MAST2: variants seen among roughly 807,000 people sequenced by gnomAD.
MAST2 encodes the protein microtubule associated serine/threonine kinase 2.
MAST2 carries 70 observed loss-of-function variants against 147.4 expected under a neutral mutation model. That is an observed-to-expected ratio of 0.47 (90% confidence interval 0.39 to 0.58). The LOEUF (loss-of-function observed/expected upper bound fraction) is 0.58, where lower values mean the gene tolerates loss of function less well. Ranked by LOEUF, MAST2 falls within the 20% of genes least tolerant of loss-of-function variation. The probability of loss-of-function intolerance (pLI) is 0.00; values close to 1 mark genes in which losing one functional copy is unlikely to be tolerated. For missense variants in MAST2, 2,080 were observed against 2,302.3 expected (o/e 0.90, Z 1.98); for synonymous variants, 869 against 896.8 (o/e 0.97, Z 0.55).
intron 4 of MAST2, among the ~76,000 whole-genome samples, chr1:45,887,728 G>T (rs887565794): frequency 2.0e-5 from 3 of 152,210 alleles, no homozygotes; most frequent in Non-Finnish European, 4.4e-5. Context: ...CTTTGTTGAG[G>T]TATCAGTGGC....
intron 5 of MAST2, among the ~76,000 whole-genome samples, chr1:45,977,595 C>T (rs1033698063): frequency 1.3e-5 from 2 of 151,942 alleles, no homozygotes; most frequent in Non-Finnish European, 2.9e-5. Flanking sequence ...GTCAAGAGAT[C>T]GAGACCATCC....
At chr1:45,980,786 T>A (rs1288076570) in intron 5 of MAST2, among the ~76,000 whole-genome samples, 1 of 152,164 alleles carries the variant, frequency 6.6e-6, no homozygotes, top group Non-Finnish European at 1.5e-5. Context: ...TCCTCCTGCC[T>A]TGGCCTCCCA....
chr1:45,980,639 G>A (rs909869554), intron 5 of MAST2, among the ~76,000 whole-genome samples: 1 of 152,086 alleles, frequency 6.6e-6, no homozygotes, highest in African/African-American at 2.4e-5. Flanking sequence ...GGCTCAAACA[G>A]TCCTCCCACC....
chr1:45,990,471 G>C (rs1278973530), intron 5 of MAST2, among the ~76,000 whole-genome samples: 5 of 151,770 alleles, frequency 3.3e-5, no homozygotes, highest in Non-Finnish European at 5.9e-5. Flanking sequence ...GTTTTGTTTT[G>C]GGGGTTGGGG....
Position 46,035,163 on chromosome 1 carries a change from T to C in MAST2, c.4494T>C (p.Ile1498=). 1 of 1,613,826 alleles carries C rather than the reference T, an allele frequency of 6.2e-7. No individual in the cohort carries two copies. Among genetic ancestry groups the C allele is most frequent in the Non-Finnish European group, 8.5e-7 (1 of 1,179,994 alleles). The change falls in exon 29 of 29, where the codon ATT becomes ATC. Residue 1498 remains isoleucine, a synonymous_variant. Transcript: ENST00000361297. This position sits in a 1 kb window ranked among gnomAD's most constrained non-coding sequence, Gnocchi z 5.5. ...RRESLQKQEA[I]REVDSSEDDT... ...AGTCGCTGCAGAAGCAAGAAGCCAT[T>C]CGTGAGGTGGACTCCTCAGAGGACG...
intron 4 of MAST2, among the ~76,000 whole-genome samples, chr1:45,906,901 G>T (rs1478055581): frequency 6.6e-6 from 1 of 151,734 alleles, no homozygotes; most frequent in Non-Finnish European, 1.5e-5. Context: ...TCTTTTACAT[G>T]TATTTTTACT....
intron 13 of MAST2, 21 bp downstream of exon 13, chr1:46,022,992 C>T (rs963530874): frequency 1.9e-6 from 3 of 1,608,328 alleles, no homozygotes; most frequent in Non-Finnish European, 8.5e-7. Context: ...TGAGCTCCTA[C>T]CCCATTCCTG....
At chr1:45,911,750 A>G (rs1651682503) in intron 4 of MAST2, among the ~76,000 whole-genome samples, 1 of 150,974 alleles carries the variant, frequency 6.6e-6, no homozygotes, top group Non-Finnish European at 1.5e-5. Context: ...TATGGCTATG[A>G]TGAGTACTAC....
At chr1:45,811,962 G>A (rs897753946) in intron 1 of MAST2, among the ~76,000 whole-genome samples, 2 of 151,932 alleles carry the variant, frequency 1.3e-5, no homozygotes, top group African/African-American at 4.8e-5. Flanking sequence ...TAAAGATGGG[G>A]TTTCACCATG....
intron 18 of MAST2, chr1:46,029,152 GTC>G (rs758809491): frequency 2.5e-5 from 14 of 568,406 alleles, no homozygotes; most frequent in Non-Finnish European, 3.4e-5. Context: ...TAGACACCTG[GTC>G]TCTCATATAC....
chr1:45,995,912 A>G (rs1645037274), intron 5 of MAST2, among the ~76,000 whole-genome samples: 1 of 152,104 alleles, frequency 6.6e-6, no homozygotes. Flanking sequence ...TGTACCTTTA[A>G]GTAATCTGGT....
At chr1:46,025,550 G>C (rs376999866) in intron 15 of MAST2, 127 bp from the exon 16 acceptor site, 175 of 1,128,716 alleles carry the variant, frequency 1.6e-4, no homozygotes, top group Non-Finnish European at 2.2e-4. Flanking sequence ...GCTAGAATCA[G>C]AGTCTCCAGC....
In MAST2 at chr1:46,034,546, A is replaced by T; in HGVS notation, c.3877A>T (p.Asn1293Tyr). 6.2e-7 allele frequency: 1 copy of T among 1,612,688 alleles called. No homozygotes were observed. Among genetic ancestry groups the T allele is most frequent in the Non-Finnish European group, 8.5e-7 (1 of 1,179,386 alleles). The change falls in exon 29 of 29, where the codon AAT becomes TAT. Residue 1293 changes from asparagine to tyrosine, a missense_variant. Transcript: ENST00000361297. ...TPDAVHSVGG[N>Y]SSQSSSPSSS... ...TCTGTCTCTGTACAAAGTGGGAGGG[A>T]ATTCATCACAGAGCAGCTCCCCCAG...
intron 15 of MAST2, 115 bp from the exon 16 acceptor site, chr1:46,025,562 C>T (rs1414218594): frequency 4.0e-6 from 5 of 1,259,620 alleles, no homozygotes; most frequent in Non-Finnish European, 5.7e-6. Flanking sequence ...GTCTCCAGCA[C>T]CAGGATATTC....
At chr1:45,955,228 A>G (rs1659485357) in intron 4 of MAST2, among the ~76,000 whole-genome samples, 2 of 152,232 alleles carry the variant, frequency 1.3e-5, no homozygotes, top group South Asian at 2.1e-4. Context: ...CAGGACCCAC[A>G]CGGATACCAA....
chr1:45,905,210 T>G (rs1414500582), intron 4 of MAST2, among the ~76,000 whole-genome samples: 1 of 149,770 alleles, frequency 6.7e-6, no homozygotes, highest in East Asian at 2.0e-4. Context: ...AGAGTCTTGC[T>G]GTGTCACTCA....
At chr1:45,999,892 A>G (rs939550479) in intron 6 of MAST2, among the ~76,000 whole-genome samples, 4 of 152,248 alleles carry the variant, frequency 2.6e-5, no homozygotes, top group African/African-American at 9.6e-5. Flanking sequence ...TAATAGAGAT[A>G]CCTTCATTTG....
At chr1:45,999,120 A>G (rs1645173752) in intron 6 of MAST2, among the ~76,000 whole-genome samples, 2 of 152,336 alleles carry the variant, frequency 1.3e-5, no homozygotes, top group South Asian at 2.1e-4. Context: ...TGATAACCCA[A>G]AATAAATCCA....
chr1:45,970,799 T>TTG (rs373939464), intron 5 of MAST2, among the ~76,000 whole-genome samples: 9 of 62,930 alleles, frequency 1.4e-4, no homozygotes, highest in African/African-American at 6.0e-4. Flanking sequence ...CTAAGAAGTG[T>TTG]TTTTTTTTTT....
Sources: allele counts gnomAD v4.1 joint callset (sites outside exome capture counted in the v4.1 genomes callset), GRCh38; gene constraint gnomAD v4.1.1; non-coding constraint Gnocchi (gnomAD v3.1); transcripts MANE v1.5; gene names NCBI Gene and HGNC (gene_info 2026-07-23, HGNC 2026-07-21).